B3GAT2: variants seen among roughly 807,000 people sequenced by gnomAD.
B3GAT2 encodes the protein beta-1,3-glucuronyltransferase 2.
In B3GAT2, 26 loss-of-function variants were observed where a neutral mutation model predicts 27.8. That is an observed-to-expected ratio of 0.93 (90% CI 0.68 to 1.30). The LOEUF (loss-of-function observed/expected upper bound fraction) is 1.30. Ranked by LOEUF, B3GAT2 falls within the 50% of genes most tolerant of loss-of-function variation. The pLI is 0.00. For synonymous variants in B3GAT2, 218 were observed against 195.1 expected (o/e 1.12, Z -0.98); for missense variants, 458 against 459.0 (o/e 1.00, Z 0.02).
Position 70,860,034 on chromosome 6 carries a change from C to A in B3GAT2, c.*1629G>T, listed in dbSNP as rs1771640201. ...TCTAGAAAGTAGATAAAGAAGGGAA[C>A]AAAGTAGCTATTTGCTTTAAGAAAT... is the stretch of plus-strand genomic sequence containing the variant. On this transcript the variant is annotated 3_prime_UTR_variant, in exon 4 of 4. Transcript: ENST00000230053. 2 of 654,886 alleles carry A rather than the reference C, an allele frequency of 3.1e-6. No individual in the cohort carries two copies. The highest frequency in any genetic ancestry group is 3.5e-5 in the South Asian group (1 of 28,812). 40.6% of individuals were successfully genotyped at this position (654,886 alleles called of 1,614,324 possible). A position where few individuals can be genotyped will look rare whatever the true frequency, so the allele number is the denominator to read the frequency against.
At chr6:70,942,834 GTAA>G (rs1441632558) in intron 1 of B3GAT2, among the ~76,000 whole-genome samples, 11 of 152,146 alleles carry the variant, frequency 7.2e-5, no homozygotes, top group Non-Finnish European at 1.2e-4. Flanking sequence ...ATCTTACAGA[GTAA>G]TACAGTAGTA....
intron 1 of B3GAT2, among the ~76,000 whole-genome samples, chr6:70,948,300 T>G (rs1765524808): frequency 6.8e-6 from 1 of 146,482 alleles, no homozygotes; most frequent in Non-Finnish European, 1.5e-5. Flanking sequence ...TGTCCCTGTT[T>G]GCAGATGACA....
chr6:70,926,800 C>T (rs1772968630), intron 1 of B3GAT2, among the ~76,000 whole-genome samples: 2 of 152,160 alleles, frequency 1.3e-5, no homozygotes, highest in Admixed American at 6.5e-5. Flanking sequence ...GGCAGGCCAA[C>T]ATTCAAATTC....
chr6:70,926,584 A>G (rs1488272443), intron 1 of B3GAT2, among the ~76,000 whole-genome samples: 1 of 152,242 alleles, frequency 6.6e-6, no homozygotes, highest in African/African-American at 2.4e-5. Flanking sequence ...CAGAGATTGA[A>G]GATCAAATGA....
chr6:70,932,998 T>A (rs1312001474), intron 1 of B3GAT2, among the ~76,000 whole-genome samples: 1 of 152,120 alleles, frequency 6.6e-6, no homozygotes, highest in South Asian at 2.1e-4. Context: ...TGGGGTCTCA[T>A]GATGTTACCC....
intron 2 of B3GAT2, among the ~76,000 whole-genome samples, chr6:70,890,306 C>T (rs936444384): frequency 7.2e-5 from 11 of 152,194 alleles, no homozygotes; most frequent in South Asian, 2.1e-4. Flanking sequence ...GGATGCAATC[C>T]GAGGCTGCCA....
chr6:70,898,640 T>G (rs955462321), intron 1 of B3GAT2, among the ~76,000 whole-genome samples: 1 of 152,208 alleles, frequency 6.6e-6, no homozygotes, highest in African/African-American at 2.4e-5. Flanking sequence ...CCTAAACTGC[T>G]TTTGCCCAGA....
Position 70,871,533 on chromosome 6 carries a change from TTAAAG to T in B3GAT2, c.737-9560_737-9556del, listed in dbSNP as rs1325064373. Among the ~76,000 whole-genome samples the T allele has an allele frequency of 3.9e-5, 6 of 152,058 alleles. No individual in the cohort carries two copies. In the East Asian group the frequency reaches 7.7e-4, roughly 20 times the overall value. On this transcript the variant is annotated intron_variant, in intron 2 of 3. Coordinates refer to ENST00000230053, the MANE Select transcript of B3GAT2 (RefSeq NM_080742.3). The stretch of plus-strand genomic sequence containing the variant: ...ATCTAATTTGTTGCAATACAATTTT[TTAAAG>T]TATTCTCATAAAATTTATGTAAGGT...
chr6:70,874,635 G>C (rs1245479294), intron 2 of B3GAT2, among the ~76,000 whole-genome samples: 4 of 152,150 alleles, frequency 2.6e-5, no homozygotes, highest in Non-Finnish European at 4.4e-5. Context: ...TGCTTAGCTT[G>C]TTTGCCACAA....
Position 70,956,638 on chromosome 6 carries a change from G to A in B3GAT2, c.-209C>T, listed in dbSNP as rs1334227419. 1.4e-6 allele frequency: 2 copies of A among 1,420,822 alleles called. No homozygotes were observed. The highest frequency in any genetic ancestry group is 3.0e-5 in the Admixed American group (1 of 33,870). 88.0% of individuals were successfully genotyped at this position (1,420,822 alleles called of 1,614,324 possible). A position where few individuals can be genotyped will look rare whatever the true frequency, so the allele number is the denominator to read the frequency against. Reference sequence around the variant, plus strand: ...AGGTTCGCGCAAGCTAGAGCGACAAGGGGTGCAGGCGGGCGGGCAGGGGCT... The same window carrying A: ...AGGTTCGCGCAAGCTAGAGCGACAAAGGGTGCAGGCGGGCGGGCAGGGGCT... On this transcript the variant is annotated 5_prime_UTR_variant, in exon 1 of 4. Coordinates refer to ENST00000230053, the MANE Select transcript of B3GAT2 (RefSeq NM_080742.3).
chr6:70,945,579 G>T (rs1233592495), intron 1 of B3GAT2, among the ~76,000 whole-genome samples: 2 of 151,342 alleles, frequency 1.3e-5, no homozygotes, highest in African/African-American at 4.9e-5. Flanking sequence ...TATGTGAAAA[G>T]ACAAAATCTA....
At chr6:70,863,959 G>A (rs1234852049) in intron 2 of B3GAT2, among the ~76,000 whole-genome samples, 1 of 151,846 alleles carries the variant, frequency 6.6e-6, no homozygotes, top group Non-Finnish European at 1.5e-5. Context: ...AAAAGCCAGA[G>A]GTTCAAATTG....
At chr6:70,870,481 T>C (rs1300343135) in intron 2 of B3GAT2, among the ~76,000 whole-genome samples, 2 of 151,464 alleles carry the variant, frequency 1.3e-5, no homozygotes, top group Non-Finnish European at 2.9e-5. Flanking sequence ...GCATGGCACA[T>C]GTATACATAT....
chr6:70,872,825 C>A (rs117545766), intron 2 of B3GAT2, among the ~76,000 whole-genome samples: 187 of 151,704 alleles, frequency 1.2e-3, no homozygotes, highest in Non-Finnish European at 2.2e-3. Flanking sequence ...GATTTTAATT[C>A]TCTTGTCATT....
At chr6:70,954,039 T>G (rs1192937606) in intron 1 of B3GAT2, among the ~76,000 whole-genome samples, 6 of 152,226 alleles carry the variant, frequency 3.9e-5, no homozygotes, top group African/African-American at 1.4e-4. Flanking sequence ...TCATTCCTCC[T>G]TCACAATCTA....
At chr6:70,894,300 T>C in intron 1 of B3GAT2, 28 bp from the exon 2 acceptor site, 1 of 1,537,070 alleles carries the variant, frequency 6.5e-7, no homozygotes, top group Non-Finnish European at 8.8e-7. Context: ...ACATGTGTTT[T>C]AAGTTTCCTT....
intron 1 of B3GAT2, among the ~76,000 whole-genome samples, chr6:70,921,637 G>A (rs996216845): frequency 1.1e-4 from 16 of 152,272 alleles, no homozygotes; most frequent in Middle Eastern, 3.4e-3. Flanking sequence ...TAGGGAACCA[G>A]TGGGGTTGTC....
chr6:70,929,182 G>A (rs1162212540), intron 1 of B3GAT2, among the ~76,000 whole-genome samples: 1 of 151,896 alleles, frequency 6.6e-6, no homozygotes, highest in African/African-American at 2.4e-5. Flanking sequence ...GACACAGGAA[G>A]GGGAACTTCA....
rs754633194 is a variant in B3GAT2 at position 70,935,474 on chromosome 6, G to GTATATATATATATATATATATA, written c.591+20364_591+20365insTATATATATATATATATATATA. Among the ~76,000 whole-genome samples the GTATATATATATATATATATATA allele has an allele frequency of 1.1e-3, 165 of 151,216 alleles. 1 individual carries two copies. The Middle Eastern group carries it at 0.034, about 32-fold the overall frequency. On this transcript the variant is annotated intron_variant, in intron 1 of 3. Transcript: ENST00000230053. ...GTCTCACTTAAAAATATATATATGT[G>GTATATATATATATATATATATA]TATATATATATCTCCATCCAAATGT... is the stretch of plus-strand genomic sequence containing the variant.
Sources: gnomAD v4.1 joint callset for allele counts (sites outside exome capture counted in the v4.1 genomes callset) on GRCh38, gnomAD v4.1.1 for gene constraint, MANE v1.5 for transcripts, NCBI Gene and HGNC (gene_info 2026-07-23, HGNC 2026-07-21) for gene names.